The following ZFAT variants were observed in gnomAD, a reference collection of about 807,000 sequenced individuals.
ZFAT encodes zinc finger and AT-hook domain containing, also known as zinc finger protein ZFAT.
Under a neutral mutation model 117.7 loss-of-function variants are expected in ZFAT, and 64 were observed. That is an observed-to-expected ratio of 0.54 (90% CI 0.44 to 0.67). The LOEUF (loss-of-function observed/expected upper bound fraction) is 0.67. ZFAT is among the 30% of genes least tolerant of loss of function. The pLI is 0.00. For synonymous variants in ZFAT, 679 were observed against 615.0 expected, an observed-to-expected ratio of 1.10 and a Z score of -1.54; for missense variants, 1,433 against 1,584.5, an observed-to-expected ratio of 0.90 and a Z score of 1.62.
chr8:134,557,451 G>A (rs533183512), intron 11 of ZFAT, among the ~76,000 whole-genome samples: 2 of 152,252 alleles, frequency 1.3e-5, no homozygotes, highest in South Asian at 4.1e-4. Context: ...ATAAAATATG[G>A]ACTTTAGCTA....
At chr8:134,533,107 G>A (rs1821554511) in intron 11 of ZFAT, 135 bp from the exon 12 acceptor site, 2 of 1,340,602 alleles carry the variant, frequency 1.5e-6, no homozygotes, top group Non-Finnish European at 2.0e-6. Flanking sequence ...TATGTTCTAG[G>A]GAAAACCACT....
At chr8:134,487,974 G>A (rs1158763317) in intron 15 of ZFAT, among the ~76,000 whole-genome samples, 1 of 152,214 alleles carries the variant, frequency 6.6e-6, no homozygotes, top group African/African-American at 2.4e-5. Context: ...ACCAGATGAG[G>A]CACAGCTGAA....
chr8:134,735,614 T>C, the ZFAT span, among the ~76,000 whole-genome samples: 1 of 152,198 alleles, frequency 6.6e-6, no homozygotes, highest in Admixed American at 6.5e-5. Context: ...CCATTGGGAC[T>C]CCTCTGATAC....
intron 12 of ZFAT, among the ~76,000 whole-genome samples, chr8:134,525,586 T>C (rs971687428): frequency 1.3e-5 from 2 of 152,190 alleles, no homozygotes; most frequent in Non-Finnish European, 2.9e-5. Flanking sequence ...TCCGTGTCAG[T>C]GGAATCAAGA....
intron 15 of ZFAT, among the ~76,000 whole-genome samples, chr8:134,499,688 C>G (rs1226431017): frequency 6.6e-6 from 1 of 152,236 alleles, no homozygotes; most frequent in Non-Finnish European, 1.5e-5. Flanking sequence ...TGCGGTGGAG[C>G]CAGCGACTCT....
At chr8:134,802,052 T>C in the ZFAT span, among the ~76,000 whole-genome samples, 2 of 152,196 alleles carry the variant, frequency 1.3e-5, no homozygotes, top group South Asian at 2.1e-4. Context: ...CAAGCTGATA[T>C]TGAACAGCAA....
At chr8:134,653,263 T>C (rs1245772208) in intron 2 of ZFAT, among the ~76,000 whole-genome samples, 1 of 97,528 alleles carries the variant, frequency 1.0e-5, no homozygotes, top group East Asian at 3.2e-4. Context: ...AACCCAAATG[T>C]CTTTTTTAAA....
At chr8:134,764,404 C>T in the ZFAT span, among the ~76,000 whole-genome samples, 3 of 152,160 alleles carry the variant, frequency 2.0e-5, no homozygotes, top group Admixed American at 6.5e-5. Flanking sequence ...TAAATCCTAC[C>T]AATAAACAGA....
At chr8:134,496,241 A>T (rs1818427069) in intron 15 of ZFAT, among the ~76,000 whole-genome samples, 1 of 152,242 alleles carries the variant, frequency 6.6e-6, no homozygotes, top group Non-Finnish European at 1.5e-5. Flanking sequence ...ACAGATGGGG[A>T]AACACAAGTT....
chr8:134,582,426 G>C (rs1291124416), intron 10 of ZFAT, among the ~76,000 whole-genome samples: 3 of 152,244 alleles, frequency 2.0e-5, no homozygotes, highest in Non-Finnish European at 4.4e-5. Context: ...GTAGTTATGT[G>C]CTATCATCAT....
intron 3 of ZFAT, among the ~76,000 whole-genome samples, chr8:134,633,116 GA>G (rs958099803): frequency 2.8e-4 from 41 of 144,058 alleles, no homozygotes; most frequent in East Asian, 6.1e-4. Flanking sequence ...TAATGCAAAA[GA>G]AAAAAAAAAG....
chr8:134,583,797 TA>T, intron 10 of ZFAT, 34 bp downstream of exon 10: 1 of 1,608,412 alleles, frequency 6.2e-7, no homozygotes, highest in Non-Finnish European at 8.5e-7. Context: ...ACCACACATT[TA>T]GAGGGGAAAG....
At chr8:134,505,065 CTG>C (rs1819288669) in intron 15 of ZFAT, among the ~76,000 whole-genome samples, 1 of 152,220 alleles carries the variant, frequency 6.6e-6, no homozygotes, top group African/African-American at 2.4e-5. Context: ...CTGTTTAAGG[CTG>C]CATTTTCCAT....
At chr8:134,484,453 G>GC (rs1272967081) in intron 15 of ZFAT, among the ~76,000 whole-genome samples, 1 of 152,180 alleles carries the variant, frequency 6.6e-6, no homozygotes, top group African/African-American at 2.4e-5. Flanking sequence ...TCTGGCAGGA[G>GC]CCCCCCAGAT....
the ZFAT span, among the ~76,000 whole-genome samples, chr8:134,802,118 A>C: frequency 6.6e-6 from 1 of 152,218 alleles, no homozygotes; most frequent in African/African-American, 2.4e-5. Context: ...AGTGAATGTC[A>C]AATTACTAGG....
At chr8:134,777,058 A>G in the ZFAT span, among the ~76,000 whole-genome samples, 2 of 152,338 alleles carry the variant, frequency 1.3e-5, no homozygotes, top group South Asian at 4.1e-4. Flanking sequence ...TGGGAGGGGA[A>G]AAGCCCTTTG....
At chr8:134,520,020 G>A (rs1820534202) in intron 13 of ZFAT, among the ~76,000 whole-genome samples, 1 of 152,112 alleles carries the variant, frequency 6.6e-6, no homozygotes, top group Admixed American at 6.6e-5. Context: ...ATGTCATGAT[G>A]TATTATTTTT....
At chr8:134,521,449 A>T (rs758383768) in intron 12 of ZFAT, among the ~76,000 whole-genome samples, 8 of 152,210 alleles carry the variant, frequency 5.3e-5, no homozygotes, top group South Asian at 2.1e-4. Context: ...CCTGATTCTC[A>T]GTCTCCTTCA....
At chr8:134,826,292 T>C in the ZFAT span, among the ~76,000 whole-genome samples, 1 of 152,202 alleles carries the variant, frequency 6.6e-6, no homozygotes, top group South Asian at 2.1e-4. Flanking sequence ...AATAAATCAC[T>C]CATTTCTACT....
Sources: gnomAD v4.1 joint callset for allele counts (sites outside exome capture counted in the v4.1 genomes callset) on GRCh38, gnomAD v4.1.1 for gene constraint, MANE v1.5 for transcripts, NCBI Gene and HGNC (gene_info 2026-07-23, HGNC 2026-07-21) for gene names.